TRIM23: variants seen among roughly 807,000 people sequenced by gnomAD.
TRIM23 encodes tripartite motif containing 23, also known as E3 ubiquitin-protein ligase TRIM23.
In TRIM23, 27 loss-of-function variants were observed where a neutral mutation model predicts 71.0. The observed-to-expected ratio is 0.38, with a 90% confidence interval of 0.28 to 0.52. The LOEUF is 0.52. Ranked by LOEUF, TRIM23 falls within the 20% of genes least tolerant of loss-of-function variation. TRIM23 has a pLI of 0.84. For synonymous variants in TRIM23, 234 were observed against 238.0 expected (o/e 0.98, Z 0.16); for missense variants, 482 against 692.3 (o/e 0.70, Z 3.41).
rs531963173 is a variant in TRIM23, at chr5:65,622,982, T to C, written c.81+1212A>G. Among the ~76,000 whole-genome samples, 3 of 152,294 alleles carry C rather than the reference T, an allele frequency of 2.0e-5. No individual in the cohort carries two copies. In the South Asian group the frequency reaches 6.2e-4, roughly 32 times the overall value. On this transcript the variant is annotated intron_variant, in intron 1 of 10. Transcript: ENST00000231524. ...CAAAAGCACAATTCAATAAATAAAA[T>C]CTCAGTCACACAACATGCCTAATAA...
intron 2 of TRIM23, among the ~76,000 whole-genome samples, chr5:65,617,091 T>G (rs894610493): frequency 6.6e-6 from 1 of 152,196 alleles, no homozygotes; most frequent in African/African-American, 2.4e-5. Flanking sequence ...CAAATAAAAG[T>G]ACAGAGACTT....
chr5:65,611,975 C>T (rs1227713978), intron 3 of TRIM23, 94 bp from the exon 4 acceptor site: 1 of 1,203,948 alleles, frequency 8.3e-7, no homozygotes, highest in Non-Finnish European at 1.1e-6. Flanking sequence ...TTTTGCTTAA[C>T]TGAACAATAT....
intron 7 of TRIM23, among the ~76,000 whole-genome samples, chr5:65,597,797 T>TG (rs1304738237): frequency 1.3e-5 from 2 of 152,210 alleles, no homozygotes; most frequent in African/African-American, 4.8e-5. Flanking sequence ...TCTGATTTTA[T>TG]GATATTACAA....
rs1298737323 is a variant in TRIM23, at chr5:65,591,104, T to C, written c.*665A>G. Reference sequence around the variant, plus strand: ...CAGTTTATTACTAACCTGACAAGCCTAATTGGGTAACATTTCACTCCCTCA... The same window carrying C: ...CAGTTTATTACTAACCTGACAAGCCCAATTGGGTAACATTTCACTCCCTCA... On this transcript the variant is annotated 3_prime_UTR_variant, in exon 11 of 11. Transcript: ENST00000231524. 3 of 1,027,074 alleles carry C rather than the reference T, an allele frequency of 2.9e-6. No individual in the cohort carries two copies. In the South Asian group the frequency reaches 1.1e-4, roughly 37 times the overall value. The allele number at this position is 1,027,074 out of a possible 1,614,324, so 63.6% of individuals were successfully genotyped here.
At chr5:65,613,718 G>GCCTC in intron 3 of TRIM23, 1 of 1,180,114 alleles carries the variant, frequency 8.5e-7, no homozygotes, top group South Asian at 1.7e-5. Context: ...GTATTAAATG[G>GCCTC]CCTCTTACAT....
At chr5:65,595,302 A>C (rs962063434) in intron 9 of TRIM23, among the ~76,000 whole-genome samples, 44 of 152,152 alleles carry the variant, frequency 2.9e-4, no homozygotes, top group South Asian at 1.0e-3. Context: ...TCGTGCCTCT[A>C]ATCCCAGCAC....
chr5:65,600,438 T>C (rs1754330642), intron 7 of TRIM23, among the ~76,000 whole-genome samples: 1 of 152,086 alleles, frequency 6.6e-6, no homozygotes, highest in East Asian at 1.9e-4. Flanking sequence ...CAATAAATGA[T>C]GCTGGGGAAA....
Position 65,590,305 on chromosome 5 carries a change from G to A in TRIM23, c.*1464C>T, listed in dbSNP as rs760661828. ...CCTGTAACAGCATGACCTTTTACCT[G>A]AAAAATAAAGGATGAAATATTACAT... is the stretch of plus-strand genomic sequence containing the variant. On this transcript the variant is annotated 3_prime_UTR_variant, in exon 11 of 11. Coordinates refer to ENST00000231524, the MANE Select transcript of TRIM23 (RefSeq NM_001656.4). The A allele has an allele frequency of 7.1e-7, 1 of 1,417,154 alleles. No homozygotes were observed. The highest frequency in any genetic ancestry group is 9.8e-7 in the Non-Finnish European group (1 of 1,024,838). The allele number at this position is 1,417,154 out of a possible 1,614,324, so 87.8% of individuals were successfully genotyped here. A position where few individuals can be genotyped will look rare whatever the true frequency, so the allele number is the denominator to read the frequency against.
chr5:65,590,807 A>AGCATTTGCCACT lies in TRIM23; in HGVS notation c.*950_*961dup. 1.0e-6 allele frequency: 1 copy of AGCATTTGCCACT among 985,476 alleles called. No homozygotes were observed. Among genetic ancestry groups the AGCATTTGCCACT allele is most frequent in the Non-Finnish European group, 1.2e-6 (1 of 829,992 alleles). The allele number at this position is 985,476 out of a possible 1,614,324, so 61.0% of individuals were successfully genotyped here. On this transcript the variant is annotated 3_prime_UTR_variant, in exon 11 of 11. Coordinates refer to ENST00000231524, the MANE Select transcript of TRIM23 (RefSeq NM_001656.4). ...GGGAAACAGTTTGAAGTAAGTAATA[A>AGCATTTGCCACT]GCATTTGCCACTGTACTTACAACTT...
intron 9 of TRIM23, among the ~76,000 whole-genome samples, chr5:65,595,425 G>T (rs188162283): frequency 6.6e-4 from 100 of 152,080 alleles, no homozygotes; most frequent in Admixed American, 2.2e-3. Flanking sequence ...AGGCATGGTG[G>T]TGGGCACCTG....
intron 3 of TRIM23, 171 bp downstream of exon 3, chr5:65,613,927 A>G: frequency 6.6e-7 from 1 of 1,506,456 alleles, no homozygotes. Flanking sequence ...AAATAATTCT[A>G]GTTTTTTCTC....
intron 7 of TRIM23, among the ~76,000 whole-genome samples, chr5:65,600,622 T>TAAAAAAAAA (rs34809421): frequency 3.9e-5 from 4 of 102,306 alleles, no homozygotes; most frequent in African/African-American, 7.1e-5. Context: ...AAAAGCACAG[T>TAAAAAAAAA]AAAAAAAAAA....
intron 2 of TRIM23, 88 bp from the exon 3 acceptor site, chr5:65,614,307 G>C: frequency 8.1e-7 from 1 of 1,241,614 alleles, no homozygotes; most frequent in Non-Finnish European, 1.1e-6. Flanking sequence ...TTCTAATATA[G>C]TTCAGTAGTT....
intron 9 of TRIM23, 112 bp downstream of exon 9, chr5:65,596,308 TA>T (rs1232554554): frequency 1.8e-4 from 128 of 724,030 alleles, no homozygotes; most frequent in Middle Eastern, 6.1e-4. Flanking sequence ...CACAGGTACT[TA>T]AGTATACAGT....
At chr5:65,616,194 A>T (rs1413541917) in intron 2 of TRIM23, among the ~76,000 whole-genome samples, 1 of 152,196 alleles carries the variant, frequency 6.6e-6, no homozygotes, top group Non-Finnish European at 1.5e-5. Context: ...TTCTTCTTGG[A>T]CTAGAGAGAA....
At chr5:65,623,122 G>A (rs982461783) in intron 1 of TRIM23, among the ~76,000 whole-genome samples, 1 of 152,146 alleles carries the variant, frequency 6.6e-6, no homozygotes, top group Non-Finnish European at 1.5e-5. Context: ...ATTGTGGGAA[G>A]AAATGTCTCA....
At chr5:65,605,603 G>A (rs1385021208) in intron 6 of TRIM23, among the ~76,000 whole-genome samples, 2 of 151,954 alleles carry the variant, frequency 1.3e-5, no homozygotes, top group African/African-American at 4.8e-5. Flanking sequence ...TCTATAAAAA[G>A]TTTAAAAATT....
chr5:65,611,600 T>C lies in TRIM23; in HGVS notation c.645+3A>G, dbSNP rs776713954. 7 of 1,610,380 alleles carry C rather than the reference T, an allele frequency of 4.3e-6. No homozygotes were observed. The highest frequency in any genetic ancestry group is 1.1e-5 in the South Asian group (1 of 90,976). On this transcript the variant is annotated splice_donor_region_variant and intron_variant, in intron 4 of 10. Transcript: ENST00000231524. ...TCCAACTGATTAATAATTAAATTCA[T>C]ACCTTGTGACCCTGGTGTTTTCCAT...
At chr5:65,610,449 G>T (rs564844948) in intron 5 of TRIM23, among the ~76,000 whole-genome samples, 1 of 152,288 alleles carries the variant, frequency 6.6e-6, no homozygotes, top group South Asian at 2.1e-4. Context: ...ACTACAGTGA[G>T]CTTCTTTAAG....
Sources: gnomAD v4.1 joint callset for allele counts (sites outside exome capture counted in the v4.1 genomes callset) on GRCh38, gnomAD v4.1.1 for gene constraint, MANE v1.5 for transcripts, NCBI Gene and HGNC (gene_info 2026-07-23, HGNC 2026-07-21) for gene names.